Variants in CCSER1 observed in about 807,000 individuals in gnomAD.
The protein encoded by CCSER1 is serine-rich coiled-coil domain-containing protein 1.
Under a neutral mutation model 82.0 loss-of-function variants are expected in CCSER1, and 41 were observed. That is an observed-to-expected ratio of 0.50 (90% confidence interval 0.39 to 0.65). The LOEUF (loss-of-function observed/expected upper bound fraction) is 0.65, where lower values mean the gene tolerates loss of function less well. CCSER1 is among the 30% of genes least tolerant of loss of function. The pLI, the probability that CCSER1 is intolerant of heterozygous loss-of-function variation, is 0.00. For missense variants in CCSER1, 1,119 were observed against 1,064.2 expected, an observed-to-expected ratio of 1.05 and a Z score of -0.72; for synonymous variants, 414 against 383.9, an observed-to-expected ratio of 1.08 and a Z score of -0.92.
At chr4:90,754,564 G>T (rs1222872021) in intron 7 of CCSER1, among the ~76,000 whole-genome samples, 2 of 152,052 alleles carry the variant, frequency 1.3e-5, no homozygotes, top group African/African-American at 4.8e-5. Flanking sequence ...TGTCATTCAA[G>T]ATACAACCTG....
intron 3 of CCSER1, among the ~76,000 whole-genome samples, chr4:90,342,365 A>G (rs919365445): frequency 6.6e-6 from 1 of 152,108 alleles, no homozygotes; most frequent in African/African-American, 2.4e-5. Flanking sequence ...GTCTCTTGTC[A>G]TCTTGCTCTC....
chr4:90,713,162 T>TACC (rs1740975398), intron 6 of CCSER1, among the ~76,000 whole-genome samples: 1 of 152,086 alleles, frequency 6.6e-6, no homozygotes, highest in South Asian at 2.1e-4. Flanking sequence ...AATACCGTTA[T>TACC]GTGTGAATTT....
chr4:90,597,988 G>T (rs913948189), intron 5 of CCSER1, among the ~76,000 whole-genome samples: 4 of 151,450 alleles, frequency 2.6e-5, no homozygotes, highest in Admixed American at 1.3e-4. Flanking sequence ...TTTTTTAAAC[G>T]CTGAGTAATA....
intron 8 of CCSER1, among the ~76,000 whole-genome samples, chr4:90,833,678 G>A (rs1761417918): frequency 6.6e-6 from 1 of 152,140 alleles, no homozygotes; most frequent in Admixed American, 6.5e-5. Context: ...ATTATTCTTA[G>A]TAGACAAAAT....
Position 91,600,353 on chromosome 4 carries a change from TAA to T in CCSER1, c.*1299_*1300del, listed in dbSNP as rs967702893. The T allele has an allele frequency of 1.3e-5, 2 of 152,154 alleles. No homozygotes were observed. The highest frequency in any genetic ancestry group is 4.8e-5 in the African/African-American group (2 of 41,456). 9.4% of individuals were successfully genotyped at this position (152,154 alleles called of 1,614,324 possible). On this transcript the variant is annotated 3_prime_UTR_variant, in exon 11 of 11. Coordinates refer to ENST00000509176, the MANE Select transcript of CCSER1 (RefSeq NM_001145065.2). ...ATTGAATACATAAATAAATAATTTT[TAA>T]AAGACTAATAGGAATCAAGGCTGCA...
chr4:90,387,760 A>G (rs950656676), intron 3 of CCSER1, among the ~76,000 whole-genome samples: 1 of 152,164 alleles, frequency 6.6e-6, no homozygotes, highest in Non-Finnish European at 1.5e-5. Context: ...CAGGAGGGTA[A>G]TAGGTCCTGG....
intron 6 of CCSER1, among the ~76,000 whole-genome samples, chr4:90,710,677 T>C (rs1165478337): frequency 6.6e-6 from 1 of 151,888 alleles, no homozygotes; most frequent in African/African-American, 2.4e-5. Context: ...CTCTTCTGCT[T>C]CATTGGTCTA....
chr4:91,295,989 C>T (rs980061747), intron 10 of CCSER1, among the ~76,000 whole-genome samples: 2 of 151,756 alleles, frequency 1.3e-5, no homozygotes, highest in South Asian at 2.1e-4. Context: ...ATAAGTATAG[C>T]GGTCTATCAA....
chr4:91,546,808 A>T (rs966496082), intron 10 of CCSER1, among the ~76,000 whole-genome samples: 1 of 151,750 alleles, frequency 6.6e-6, no homozygotes, highest in Non-Finnish European at 1.5e-5. Context: ...TTTCTTGTGG[A>T]TATTTACATG....
chr4:90,539,405 C>T (rs1775821517), intron 5 of CCSER1, among the ~76,000 whole-genome samples: 1 of 152,036 alleles, frequency 6.6e-6, no homozygotes, highest in African/African-American at 2.4e-5. Context: ...CTAGATTAAA[C>T]TCAGACTTTC....
intron 10 of CCSER1, among the ~76,000 whole-genome samples, chr4:91,382,310 G>C (rs966446101): frequency 1.3e-5 from 2 of 152,174 alleles, no homozygotes; most frequent in Non-Finnish European, 1.5e-5. Flanking sequence ...CATGGGTAGA[G>C]TCTACAGAGG....
At chr4:91,309,372 G>A (rs1745290880) in intron 10 of CCSER1, among the ~76,000 whole-genome samples, 1 of 152,072 alleles carries the variant, frequency 6.6e-6, no homozygotes, top group Non-Finnish European at 1.5e-5. Context: ...GTGTTTGTGT[G>A]CATGTGCACG....
At chr4:91,207,935 A>T (rs1736478906) in intron 10 of CCSER1, among the ~76,000 whole-genome samples, 1 of 151,838 alleles carries the variant, frequency 6.6e-6, no homozygotes, top group African/African-American at 2.4e-5. Context: ...CTGGTGCGAG[A>T]TGGTATGTCA....
chr4:90,405,858 G>A (rs1753632007), intron 4 of CCSER1, among the ~76,000 whole-genome samples: 1 of 152,034 alleles, frequency 6.6e-6, no homozygotes, highest in African/African-American at 2.4e-5. Context: ...ACTGCCAAAA[G>A]GAGCTCTAAA....
At chr4:90,395,501 C>T (rs1012481027) in intron 3 of CCSER1, among the ~76,000 whole-genome samples, 2 of 152,086 alleles carry the variant, frequency 1.3e-5, no homozygotes, top group African/African-American at 2.4e-5. Flanking sequence ...ACATGAAAGC[C>T]ATCTCTTAAA....
intron 10 of CCSER1, among the ~76,000 whole-genome samples, chr4:91,246,998 A>G (rs1337427297): frequency 1.3e-5 from 2 of 152,144 alleles, no homozygotes; most frequent in Admixed American, 6.6e-5. Flanking sequence ...ACAAGAATAT[A>G]GAGTTTAAAA....
chr4:90,982,803 A>G (rs1736236313), intron 9 of CCSER1, among the ~76,000 whole-genome samples: 1 of 151,772 alleles, frequency 6.6e-6, no homozygotes, highest in African/African-American at 2.4e-5. Context: ...GAGTGAGAAA[A>G]GATATTCTCT....
chr4:90,994,596 T>C (rs942307809), intron 9 of CCSER1, among the ~76,000 whole-genome samples: 8 of 100,180 alleles, frequency 8.0e-5, no homozygotes, highest in Non-Finnish European at 1.8e-4. Context: ...TTCAATTCCA[T>C]TTTTTAAAAA....
At chr4:91,481,581 C>T (rs1312273761) in intron 10 of CCSER1, among the ~76,000 whole-genome samples, 4 of 152,126 alleles carry the variant, frequency 2.6e-5, no homozygotes, top group African/African-American at 9.7e-5. Context: ...CACAATTTAG[C>T]CCCTAACATG....
Sources: gnomAD v4.1 joint callset for allele counts (sites outside exome capture counted in the v4.1 genomes callset) on GRCh38, gnomAD v4.1.1 for gene constraint, MANE v1.5 for transcripts, NCBI Gene and HGNC (gene_info 2026-07-23, HGNC 2026-07-21) for gene names.